Variants in ZBTB16 observed in about 807,000 individuals in gnomAD.
ZBTB16 encodes zinc finger and BTB domain-containing protein 16.
ZBTB16 carries 8 observed loss-of-function variants against 56.8 expected under a neutral mutation model. The ratio of observed to expected loss-of-function variants is 0.14; its 90% CI spans 0.08 to 0.25. ZBTB16 has a LOEUF of 0.25. ZBTB16 is among the 10% of genes least tolerant of loss of function. ZBTB16 has a pLI of 1.00. For missense variants in ZBTB16, 625 were observed against 903.0 expected, an observed-to-expected ratio of 0.69 and a Z score of 3.95; for synonymous variants, 363 against 368.5, an observed-to-expected ratio of 0.98 and a Z score of 0.17.
chr11:114,173,337 A>C (rs1422691940), intron 3 of ZBTB16, among the ~76,000 whole-genome samples: 1 of 151,928 alleles, frequency 6.6e-6, no homozygotes, highest in African/African-American at 2.4e-5. Context: ...GGTGCCACTG[A>C]GGGGCCCAGG....
intron 3 of ZBTB16, among the ~76,000 whole-genome samples, chr11:114,186,082 C>T (rs985794602): frequency 3.3e-5 from 5 of 151,960 alleles, no homozygotes; most frequent in East Asian, 1.9e-4. Context: ...CATAAAGGGC[C>T]GAGAGCTGGA....
chr11:114,183,101 T>TG (rs569217477), intron 3 of ZBTB16, among the ~76,000 whole-genome samples: 61 of 146,474 alleles, frequency 4.2e-4, no homozygotes, highest in South Asian at 3.8e-3. Flanking sequence ...CCTGGAGAGC[T>TG]GGGGGGGAAG....
rs371403983 is a variant in ZBTB16 at position 114,063,290 on chromosome 11, A to T, written c.-11A>T. On this transcript the variant is annotated 5_prime_UTR_variant, in exon 2 of 7. Coordinates refer to ENST00000335953, the MANE Select transcript of ZBTB16 (RefSeq NM_006006.6). This position sits in a 1 kb window ranked among gnomAD's most constrained non-coding sequence, Gnocchi z 6.5. ...GAAAGAAAGCCTCATGCCTGAGCCG[A>T]GGGGAGCACCATGGATCTGACAAAA... The T allele has an allele frequency of 2.1e-5, 34 of 1,613,390 alleles. No individual in the cohort carries two copies. Among genetic ancestry groups the T allele is most frequent in the Non-Finnish European group, 2.9e-5 (34 of 1,179,954 alleles).
At chr11:114,169,685 G>T (rs868365525) in intron 3 of ZBTB16, among the ~76,000 whole-genome samples, 2 of 152,228 alleles carry the variant, frequency 1.3e-5, no homozygotes, top group Admixed American at 6.5e-5. Flanking sequence ...CCCCTGGCAA[G>T]AGAAGGCGTT....
intron 2 of ZBTB16, among the ~76,000 whole-genome samples, chr11:114,076,973 G>A (rs1254191829): frequency 2.6e-5 from 4 of 152,098 alleles, no homozygotes; most frequent in African/African-American, 7.2e-5. Flanking sequence ...TCAACGGCTG[G>A]GGGGGAGAAT....
intron 2 of ZBTB16, among the ~76,000 whole-genome samples, chr11:114,108,946 A>C (rs1488158706): frequency 6.6e-6 from 1 of 152,204 alleles, no homozygotes; most frequent in East Asian, 1.9e-4. Flanking sequence ...AGCCAGTCCT[A>C]GCTTCACTAA....
intron 2 of ZBTB16, among the ~76,000 whole-genome samples, chr11:114,107,183 G>A (rs1390295111): frequency 1.3e-5 from 2 of 152,142 alleles, no homozygotes; most frequent in African/African-American, 2.4e-5. Flanking sequence ...TCAGTGACTT[G>A]CGCAAGGTCA....
chr11:114,106,206 C>T (rs77894175), intron 2 of ZBTB16, among the ~76,000 whole-genome samples: 3,022 of 152,154 alleles, frequency 0.02, 91 homozygotes, highest in Admixed American at 0.086. Context: ...GCACGACAGC[C>T]GCAGGCCTTT....
Position 114,235,634 on chromosome 11 carries a change from CTTTCTTT to C in ZBTB16, c.1454-6532_1454-6526del, listed in dbSNP as rs1565701492. ...TCTTTCTTTCCCTCTCCCTTCCTTT[CTTTCTTT>C]CTTTCTTTCTTTCTTTCTTTCTTTC... On this transcript the variant is annotated intron_variant, in intron 4 of 6. Transcript: ENST00000335953. Among the ~76,000 whole-genome samples, 52 of 20,520 alleles carry C rather than the reference CTTTCTTT, an allele frequency of 2.5e-3. 1 individual carries two copies. The highest frequency in any genetic ancestry group is 0.014 in the South Asian group (5 of 364). 13.5% of individuals were successfully genotyped at this position (20,520 alleles called of 152,430 possible). A position where few individuals can be genotyped will look rare whatever the true frequency, so the allele number is the denominator to read the frequency against.
chr11:114,063,807 C>T lies in ZBTB16; in HGVS notation c.507C>T (p.Ala169=), dbSNP rs766830433. The part of the protein sequence containing the change: ...SKHSSEESGY[A]SVAGQSLPGP... ...ATTCCAGCGAGGAGAGTGGGTATGC[C>T]AGTGTGGCTGGACAGAGCCTCCCTG... The change falls in exon 2 of 7, where the codon GCC becomes GCT. Residue 169 remains alanine, a synonymous_variant. Transcript: ENST00000335953. The surrounding 1 kb of genome is among the most constrained non-coding windows in gnomAD (Gnocchi z 6.5). 3 of 1,614,178 alleles carry T rather than the reference C, an allele frequency of 1.9e-6. No individual in the cohort carries two copies. The highest frequency in any genetic ancestry group is 2.5e-6 in the Non-Finnish European group (3 of 1,180,028).
At chr11:114,173,873 A>G (rs1943036063) in intron 3 of ZBTB16, among the ~76,000 whole-genome samples, 2 of 152,218 alleles carry the variant, frequency 1.3e-5, no homozygotes, top group Admixed American at 6.5e-5. Flanking sequence ...AGTGAATGCA[A>G]CTGATTGTCT....
chr11:114,067,111 G>A (rs1399916542), intron 2 of ZBTB16, among the ~76,000 whole-genome samples: 1 of 152,128 alleles, frequency 6.6e-6, no homozygotes. Flanking sequence ...CAGGGTTGGT[G>A]CTGAATTAAT....
intron 2 of ZBTB16, among the ~76,000 whole-genome samples, chr11:114,097,894 G>T (rs1354824069): frequency 6.6e-6 from 1 of 152,222 alleles, no homozygotes; most frequent in Non-Finnish European, 1.5e-5. Flanking sequence ...ACAACACAGG[G>T]AGGTTTCAGT....
intron 2 of ZBTB16, 27 bp from the exon 3 acceptor site, chr11:114,156,310 C>T: frequency 6.2e-7 from 1 of 1,612,508 alleles, no homozygotes; most frequent in Non-Finnish European, 8.5e-7. Context: ...AGAGCAGCAG[C>T]AACCTCTCTT....
At position 114,143,633 on chromosome 11, in the gene ZBTB16, G is replaced by A. The variant is rs1369773017; in HGVS notation, c.1269-12704G>A. ...GTTGTGGTCAGGTGATCACTGATGT[G>A]TGTCAGTGTATTGTAAGAGTGGGGC... On this transcript the variant is annotated intron_variant, in intron 2 of 6. Coordinates refer to ENST00000335953, the MANE Select transcript of ZBTB16 (RefSeq NM_006006.6). The surrounding 1 kb of genome is among the most constrained non-coding windows in gnomAD (Gnocchi z 6.4). Among the ~76,000 whole-genome samples the A allele has an allele frequency of 6.6e-6, 1 of 152,210 alleles. No homozygotes were observed. The highest frequency in any genetic ancestry group is 1.5e-5 in the Non-Finnish European group (1 of 68,034).
rs1944516603 is a variant in ZBTB16, at chr11:114,234,241, A to G, written c.1454-7926A>G. Among the ~76,000 whole-genome samples, 3 of 152,338 alleles carry G rather than the reference A, an allele frequency of 2.0e-5. No homozygotes were observed. In the South Asian group the frequency reaches 6.2e-4, roughly 32 times the overall value. On this transcript the variant is annotated intron_variant, in intron 4 of 6. Coordinates refer to ENST00000335953, the MANE Select transcript of ZBTB16 (RefSeq NM_006006.6). ...GAGACCTAAATTTGACAAGGACGAAATTGACAAGTGATGCTAAGGTTTTTG... is the reference window on the plus strand; with the variant it reads ...GAGACCTAAATTTGACAAGGACGAAGTTGACAAGTGATGCTAAGGTTTTTG...
intron 2 of ZBTB16, among the ~76,000 whole-genome samples, chr11:114,065,342 G>A (rs1939074139): frequency 6.6e-6 from 1 of 152,124 alleles, no homozygotes; most frequent in African/African-American, 2.4e-5. Context: ...GAGCTCTTAT[G>A]ACATGTTTGG....
intron 4 of ZBTB16, among the ~76,000 whole-genome samples, chr11:114,217,147 A>T (rs975936240): frequency 6.6e-6 from 1 of 152,250 alleles, no homozygotes; most frequent in Admixed American, 6.5e-5. Context: ...CTCAGCTGAG[A>T]TAGAACGTGG....
intron 2 of ZBTB16, among the ~76,000 whole-genome samples, chr11:114,149,828 C>T (rs1369249706): frequency 6.6e-6 from 1 of 152,168 alleles, no homozygotes; most frequent in East Asian, 1.9e-4. Context: ...AGAATGATTG[C>T]TTCTTTTTCT....
Sources: gnomAD v4.1 joint callset for allele counts (sites outside exome capture counted in the v4.1 genomes callset) on GRCh38, gnomAD v4.1.1 for gene constraint, Gnocchi (gnomAD v3.1) non-coding constraint, MANE v1.5 for transcripts, NCBI Gene and HGNC (gene_info 2026-07-23, HGNC 2026-07-21) for gene names.